The following GPM6A variants were observed in gnomAD, a reference collection of about 807,000 sequenced individuals.
GPM6A encodes glycoprotein M6A.
A neutral mutation model predicts 32.1 loss-of-function variants in GPM6A; 7 were observed. The observed-to-expected ratio is 0.22, with a 90% confidence interval of 0.12 to 0.41. The LOEUF is 0.41. GPM6A is among the 10% of genes least tolerant of loss of function. The probability of loss-of-function intolerance (pLI) is 1.00; values close to 1 mark genes in which losing one functional copy is unlikely to be tolerated. For missense variants in GPM6A, 235 were observed against 347.2 expected (o/e 0.68, Z 2.57); for synonymous variants, 130 against 123.4 (o/e 1.05, Z -0.35).
chr4:175,863,494 TG>T (rs1215525102), intron 1 of GPM6A, among the ~76,000 whole-genome samples: 1 of 137,092 alleles, frequency 7.3e-6, no homozygotes, highest in African/African-American at 2.6e-5. Context: ...TAATGGACTT[TG>T]TTTTTTTTTA....
intron 1 of GPM6A, chr4:175,787,614 A>G: frequency 1.5e-6 from 2 of 1,337,148 alleles, no homozygotes; most frequent in South Asian, 3.7e-5. Context: ...CCCAAATCAC[A>G]ACCCATGTAT....
chr4:175,939,442 A>T (rs1739338621), intron 1 of GPM6A, among the ~76,000 whole-genome samples: 1 of 152,216 alleles, frequency 6.6e-6, no homozygotes, highest in African/African-American at 2.4e-5. Context: ...GCTACATTTA[A>T]TAGAATTATG....
intron 1 of GPM6A, among the ~76,000 whole-genome samples, chr4:175,944,656 G>A (rs1739529888): frequency 6.6e-6 from 1 of 152,110 alleles, no homozygotes. Flanking sequence ...ATTTTCATAG[G>A]GCTGTATGAA....
chr4:175,899,912 A>C (rs116313038), intron 1 of GPM6A, among the ~76,000 whole-genome samples: 1,643 of 152,268 alleles, frequency 0.011, 32 homozygotes, highest in African/African-American at 0.038. Flanking sequence ...CAAAGGATCT[A>C]ATCAACAAAG....
At chr4:175,807,645 C>G (rs1734746377) in intron 1 of GPM6A, 1 of 152,222 alleles carries the variant, frequency 6.6e-6, no homozygotes, top group Admixed American at 6.5e-5. Flanking sequence ...AGTGCACTTA[C>G]AGATTGGCTG....
chr4:175,805,639 A>C (rs1460679778), intron 1 of GPM6A, among the ~76,000 whole-genome samples: 1 of 152,242 alleles, frequency 6.6e-6, no homozygotes, highest in Non-Finnish European at 1.5e-5. Flanking sequence ...GAAACAATGT[A>C]AGAAAGTGTC....
intron 1 of GPM6A, among the ~76,000 whole-genome samples, chr4:175,731,047 C>T (rs1222856542): frequency 6.6e-6 from 1 of 152,038 alleles, no homozygotes; most frequent in African/African-American, 2.4e-5. Context: ...GGTCTGATTG[C>T]ATCTCCATTG....
chr4:175,944,767 T>C (rs566059486), intron 1 of GPM6A, among the ~76,000 whole-genome samples: 1 of 152,338 alleles, frequency 6.6e-6, no homozygotes, highest in South Asian at 2.1e-4. Context: ...CTTAGTGGCA[T>C]GGACGACAAA....
chr4:175,773,324 C>T lies in GPM6A; in HGVS notation c.37+38867G>A, dbSNP rs531307222. On this transcript the variant is annotated intron_variant, in intron 1 of 6. Coordinates refer to ENST00000393658, the MANE Select transcript of GPM6A (RefSeq NM_201591.3). The stretch of plus-strand genomic sequence containing the variant: ...ATTCTTATATACTCAAAGCCTTAAA[C>T]GATCACATGCTTAGCTCTGAAATTA... Among the ~76,000 whole-genome samples the T allele has an allele frequency of 5.3e-5, 8 of 152,250 alleles. No individual in the cohort carries two copies. The South Asian group carries it at 8.3e-4, about 16-fold the overall frequency.
chr4:175,960,284 A>G (rs2126399989), intron 1 of GPM6A, among the ~76,000 whole-genome samples: 1 of 152,376 alleles, frequency 6.6e-6, no homozygotes, highest in African/African-American at 2.4e-5. Flanking sequence ...GATTCTAGGC[A>G]TAGAATTTAG....
chr4:175,824,138 G>A (rs1329006098), intron 1 of GPM6A, among the ~76,000 whole-genome samples: 1 of 152,216 alleles, frequency 6.6e-6, no homozygotes, highest in South Asian at 2.1e-4. Context: ...TCTCAAGGAT[G>A]TTTTATTGGC....
intron 1 of GPM6A, among the ~76,000 whole-genome samples, chr4:175,771,996 T>C (rs1236690731): frequency 6.6e-6 from 1 of 152,224 alleles, no homozygotes; most frequent in South Asian, 2.1e-4. Flanking sequence ...TTCTGACCCT[T>C]GGTCCTGTCA....
chr4:175,725,707 C>A (rs1579430790), intron 1 of GPM6A, among the ~76,000 whole-genome samples: 1 of 152,108 alleles, frequency 6.6e-6, no homozygotes, highest in Non-Finnish European at 1.5e-5. Flanking sequence ...AAAACGGTAT[C>A]AATGAGTACA....
intron 4 of GPM6A, among the ~76,000 whole-genome samples, chr4:175,649,358 A>G (rs13121577): frequency 3.9e-5 from 6 of 152,232 alleles, no homozygotes; most frequent in Non-Finnish European, 7.3e-5. Flanking sequence ...TTGAGAATTA[A>G]TAAGTTTTTC....
chr4:175,694,114 C>T (rs1197006595), intron 2 of GPM6A, among the ~76,000 whole-genome samples: 1 of 152,170 alleles, frequency 6.6e-6, no homozygotes, highest in Non-Finnish European at 1.5e-5. Context: ...TATGTACAGC[C>T]TGCAGAACTG....
chr4:175,978,721 G>C (rs959390830), intron 1 of GPM6A, among the ~76,000 whole-genome samples: 2 of 152,030 alleles, frequency 1.3e-5, no homozygotes, highest in African/African-American at 2.4e-5. Flanking sequence ...AAGTACTATA[G>C]GTTTTTCAAA....
intron 1 of GPM6A, among the ~76,000 whole-genome samples, chr4:175,709,458 G>T (rs1481388074): frequency 6.6e-6 from 1 of 151,914 alleles, no homozygotes; most frequent in African/African-American, 2.4e-5. Flanking sequence ...GGCTGGTCAC[G>T]GTGGCTCAAG....
chr4:175,844,825 A>G (rs1451427546), intron 1 of GPM6A, among the ~76,000 whole-genome samples: 1 of 152,144 alleles, frequency 6.6e-6, no homozygotes, highest in Non-Finnish European at 1.5e-5. Context: ...TTTTAAAAGT[A>G]TCTCTTGGGT....
At chr4:175,702,996 G>A (rs963320781) in intron 1 of GPM6A, among the ~76,000 whole-genome samples, 19 of 152,194 alleles carry the variant, frequency 1.2e-4, no homozygotes, top group African/African-American at 4.6e-4. Flanking sequence ...TCCCTGTGTG[G>A]TTTTTGCCAA....
Sources: gnomAD v4.1 joint callset for allele counts (sites outside exome capture counted in the v4.1 genomes callset) on GRCh38, gnomAD v4.1.1 for gene constraint, MANE v1.5 for transcripts, NCBI Gene and HGNC (gene_info 2026-07-23, HGNC 2026-07-21) for gene names.